The following PTPRQ variants were observed in gnomAD, a reference collection of about 807,000 sequenced individuals.
PTPRQ encodes the protein protein tyrosine phosphatase receptor type Q.
A neutral mutation model predicts 246.0 loss-of-function variants in PTPRQ; 199 were observed. The observed-to-expected ratio is 0.81, with a 90% CI of 0.72 to 0.91. The LOEUF is 0.91. Among genes scored for constraint, PTPRQ ranks in the 40% least tolerant of loss-of-function variants. PTPRQ has a pLI of 0.00. For missense variants in PTPRQ, 2,624 were observed against 2,528.4 expected, an observed-to-expected ratio of 1.04 and a Z score of -0.81; for synonymous variants, 869 against 853.2, an observed-to-expected ratio of 1.02 and a Z score of -0.32.
chr12:80,528,777 C>T (rs1399517412), intron 17 of PTPRQ, among the ~76,000 whole-genome samples: 1 of 152,204 alleles, frequency 6.6e-6, no homozygotes. Context: ...CAAGTGCAAT[C>T]CTTCCTCCTG....
intron 24 of PTPRQ, chr12:80,547,241 C>T (rs1896334049): frequency 6.6e-6 from 1 of 152,418 alleles, no homozygotes; most frequent in Non-Finnish European, 1.5e-5. Context: ...ATGTAGTATA[C>T]ATGACATATC....
At chr12:80,548,711 G>GTTAT (rs1487407613) in intron 24 of PTPRQ, among the ~76,000 whole-genome samples, 4 of 152,036 alleles carry the variant, frequency 2.6e-5, no homozygotes, top group Admixed American at 2.6e-4. Flanking sequence ...GACCAGAAAA[G>GTTAT]TTATTCTACT....
intron 25 of PTPRQ, among the ~76,000 whole-genome samples, chr12:80,558,331 C>T (rs1204442057): frequency 1.3e-5 from 2 of 151,706 alleles, no homozygotes; most frequent in African/African-American, 2.4e-5. Context: ...CTGCACCCAA[C>T]TAATTTTTGT....
chr12:80,524,429 G>A (rs1895616877), intron 17 of PTPRQ, among the ~76,000 whole-genome samples: 1 of 152,096 alleles, frequency 6.6e-6, no homozygotes, highest in Admixed American at 6.6e-5. Context: ...GGAACTGTGA[G>A]TCCATTAAAC....
At chr12:80,545,959 T>A (rs7294983) in intron 23 of PTPRQ, among the ~76,000 whole-genome samples, 18,399 of 151,758 alleles carry the variant, frequency 0.12, 1,204 homozygotes, top group African/African-American at 0.14. Flanking sequence ...ATTATGCAAA[T>A]TAAAAAAAAT....
rs1435828415 is a variant in PTPRQ, at chr12:80,534,138, A to C, written c.2802A>C (p.Thr934=). The change falls in exon 18 of 45, where the codon ACA becomes ACC. Residue 934 remains threonine, a synonymous_variant. Coordinates refer to ENST00000644991, the MANE Select transcript of PTPRQ (RefSeq NM_001145026.2). ...GCACCAGATTTGGTGATGGGAAAAC[A>C]AGAAGCAATATCATTAGCTTTCAAA... is the stretch of plus-strand genomic sequence containing the variant. ...TASTRFGDGK[T]RSNIISFQTP... 2 of 1,543,472 alleles carry C rather than the reference A, an allele frequency of 1.3e-6. No individual in the cohort carries two copies. Among genetic ancestry groups the C allele is most frequent in the East Asian group, 4.9e-5 (2 of 40,426 alleles).
chr12:80,654,975 G>T (rs1286274942), intron 38 of PTPRQ, among the ~76,000 whole-genome samples: 2 of 152,182 alleles, frequency 1.3e-5, no homozygotes, highest in Non-Finnish European at 1.5e-5. Flanking sequence ...AAATTTGATA[G>T]ATCAGAAAGT....
intron 8 of PTPRQ, among the ~76,000 whole-genome samples, chr12:80,480,501 G>A (rs564435816): frequency 6.8e-6 from 1 of 147,748 alleles, no homozygotes; most frequent in Admixed American, 6.8e-5. Flanking sequence ...AAAGCTAGCA[G>A]AAGGCAAGAA....
intron 33 of PTPRQ, among the ~76,000 whole-genome samples, chr12:80,628,029 T>G (rs998289242): frequency 1.3e-5 from 2 of 152,064 alleles, no homozygotes; most frequent in African/African-American, 4.8e-5. Context: ...TAAAAAAAAT[T>G]TTTTGTGTGG....
chr12:80,600,376 A>G (rs1460105715), intron 26 of PTPRQ, among the ~76,000 whole-genome samples: 1 of 151,672 alleles, frequency 6.6e-6, no homozygotes, highest in Non-Finnish European at 1.5e-5. Flanking sequence ...GCAAAGCGCT[A>G]TATTTCTTTC....
intron 39 of PTPRQ, among the ~76,000 whole-genome samples, chr12:80,667,355 C>G (rs1442327755): frequency 6.6e-6 from 1 of 151,760 alleles, no homozygotes; most frequent in Non-Finnish European, 1.5e-5. Context: ...GTGAAATAAG[C>G]CAGGAACAGA....
intron 3 of PTPRQ, chr12:80,454,442 A>T (rs1892900318): frequency 7.1e-6 from 5 of 700,104 alleles, no homozygotes; most frequent in African/African-American, 7.1e-5. Context: ...GGAAATGCAG[A>T]AATGGATGCC....
At chr12:80,549,763 T>C in intron 25 of PTPRQ, 29 bp downstream of exon 25, 1 of 1,508,692 alleles carries the variant, frequency 6.6e-7, no homozygotes, top group African/African-American at 1.4e-5. Context: ...GTAACTAACA[T>C]GAAACCTTTA....
chr12:80,493,662 T>C (rs1894521726), intron 10 of PTPRQ, among the ~76,000 whole-genome samples: 1 of 151,980 alleles, frequency 6.6e-6, no homozygotes, highest in Non-Finnish European at 1.5e-5. Context: ...TTTGACCTTC[T>C]TCCTGGAGAA....
intron 17 of PTPRQ, among the ~76,000 whole-genome samples, chr12:80,521,477 A>G (rs573590228): frequency 6.6e-6 from 1 of 152,300 alleles, no homozygotes; most frequent in African/African-American, 2.4e-5. Flanking sequence ...GTTTTCTCCT[A>G]GAGTTTTTAT....
chr12:80,444,656 A>T, intron 1 of PTPRQ, 85 bp from the exon 2 acceptor site: 1 of 1,000,834 alleles, frequency 1.0e-6, no homozygotes. Flanking sequence ...TGAAGAGTTA[A>T]TTTTTGTTAT....
At chr12:80,577,390 C>G (rs927770400) in intron 25 of PTPRQ, among the ~76,000 whole-genome samples, 8 of 152,116 alleles carry the variant, frequency 5.3e-5, no homozygotes, top group African/African-American at 1.9e-4. Context: ...ACTATCAGAT[C>G]TTGTGAGACC....
chr12:80,668,861 T>A (rs551044065), intron 39 of PTPRQ, 146 bp from the exon 40 acceptor site: 1 of 1,141,686 alleles, frequency 8.8e-7, no homozygotes, highest in Non-Finnish European at 1.1e-6. Context: ...GTTGGAAATT[T>A]TGAGTATTTA....
intron 25 of PTPRQ, among the ~76,000 whole-genome samples, chr12:80,558,574 T>C (rs1475144693): frequency 6.7e-6 from 1 of 149,514 alleles, no homozygotes; most frequent in African/African-American, 2.5e-5. Flanking sequence ...CTATTAGAAA[T>C]AAAGCTTCTA....
Sources: gnomAD v4.1 joint callset for allele counts (sites outside exome capture counted in the v4.1 genomes callset) on GRCh38, gnomAD v4.1.1 for gene constraint, MANE v1.5 for transcripts, NCBI Gene and HGNC (gene_info 2026-07-23, HGNC 2026-07-21) for gene names.